ZC3H7B: variants seen among roughly 807,000 people sequenced by gnomAD.
ZC3H7B encodes the protein zinc finger CCCH domain-containing protein 7B.
Under a neutral mutation model 116.0 loss-of-function variants are expected in ZC3H7B, and 35 were observed. The ratio of observed to expected loss-of-function variants is 0.30; its 90% CI spans 0.23 to 0.40. The LOEUF (loss-of-function observed/expected upper bound fraction) is 0.40, where lower values mean the gene tolerates loss of function less well. Ranked by LOEUF, ZC3H7B falls within the 10% of genes least tolerant of loss-of-function variation. The pLI is 1.00. For synonymous variants in ZC3H7B, 502 were observed against 545.6 expected, an observed-to-expected ratio of 0.92 and a Z score of 1.11; for missense variants, 1,011 against 1,321.5, an observed-to-expected ratio of 0.77 and a Z score of 3.64.
chr22:41,312,010 C>T (rs2036124426), intron 1 of ZC3H7B, among the ~76,000 whole-genome samples: 1 of 151,870 alleles, frequency 6.6e-6, no homozygotes, highest in South Asian at 2.1e-4. Context: ...ATTAAGGTTG[C>T]TTCTAGTTTT....
At chr22:41,355,351 G>A in intron 17 of ZC3H7B, 118 bp from the exon 18 acceptor site, 8 of 1,407,340 alleles carry the variant, frequency 5.7e-6, no homozygotes, top group Non-Finnish European at 7.7e-6. Context: ...CTGCCAGGAA[G>A]ACCTGGGAGC....
Position 41,349,368 on chromosome 22 carries a change from G to A in ZC3H7B, c.1948+67G>A. 1.9e-6 allele frequency: 3 copies of A among 1,582,026 alleles called. No homozygotes were observed. The highest frequency in any genetic ancestry group is 2.6e-6 in the Non-Finnish European group (3 of 1,163,862). On this transcript the variant is annotated intron_variant, in intron 16 of 22. Coordinates refer to ENST00000352645, the MANE Select transcript of ZC3H7B (RefSeq NM_017590.6). This position sits in a 1 kb window ranked among gnomAD's most constrained non-coding sequence, Gnocchi z 4.9. The stretch of plus-strand genomic sequence containing the variant: ...TGAGGGGTAGGCGGCGCAGGTGAAG[G>A]GAGCGCAGGACTGACTGGGGTGACA...
chr22:41,339,424 G>A (rs747921348), intron 9 of ZC3H7B, among the ~76,000 whole-genome samples: 18 of 152,074 alleles, frequency 1.2e-4, no homozygotes, highest in Non-Finnish European at 1.9e-4. Flanking sequence ...TCAGGAATTC[G>A]AGACCAGCCT....
At chr22:41,322,931 G>C (rs544852478) in intron 2 of ZC3H7B, among the ~76,000 whole-genome samples, 3 of 152,116 alleles carry the variant, frequency 2.0e-5, no homozygotes, top group Admixed American at 1.3e-4. Context: ...TGTGCCCAGC[G>C]TACTCCCTTG....
chr22:41,339,850 T>G lies in ZC3H7B; in HGVS notation c.851T>G (p.Val284Gly). ...CAGGGTGGCCTGTCTGGCAGCGGCG[T>G]GCCTAGTGAGTTGCCCCAGCTGATA... ...LVQGGLSGSG[V>G]PSELPQLIPV... is the part of the protein sequence containing the mutation. Residue 284 changes from valine (V) to glycine (G), a missense_variant, in exon 10 of 23, where the codon GTG (valine) becomes GGG (glycine). Physicochemically the swap from Val to Gly is moderately radical, Grantham distance 109. This residue lies in a region of ZC3H7B where 322 missense variants were observed against 443.9 expected (regional missense o/e 0.73). Coordinates refer to ENST00000352645, the MANE Select transcript of ZC3H7B (RefSeq NM_017590.6). 3 of 1,610,822 alleles carry G rather than the reference T, an allele frequency of 1.9e-6. No individual in the cohort carries two copies. The highest frequency in any genetic ancestry group is 2.5e-6 in the Non-Finnish European group (3 of 1,177,966).
At position 41,357,765 on chromosome 22, in the gene ZC3H7B, C is replaced by G. The variant is rs2036741962; in HGVS notation, c.*336C>G. The G allele has an allele frequency of 5.7e-6, 2 of 353,286 alleles. No homozygotes were observed. The highest frequency in any genetic ancestry group is 7.9e-5 in the Admixed American group (2 of 25,304). 21.9% of individuals were successfully genotyped at this position (353,286 alleles called of 1,614,324 possible). On this transcript the variant is annotated 3_prime_UTR_variant, in exon 23 of 23. Coordinates refer to ENST00000352645, the MANE Select transcript of ZC3H7B (RefSeq NM_017590.6). The surrounding 1 kb of genome is among the most constrained non-coding windows in gnomAD (Gnocchi z 5.4). ...CTGCTCCTAATGGGGGCCCAAAGCT[C>G]AGGGCTGGGGAGCCTGGGGTCCCCA...
intron 7 of ZC3H7B, chr22:41,336,035 C>G (rs1485448130): frequency 6.5e-6 from 1 of 152,762 alleles, no homozygotes; most frequent in Non-Finnish European, 1.5e-5. Flanking sequence ...CCATCCGGCT[C>G]TCCGTGGGGA....
At chr22:41,315,210 C>T (rs748462456) in intron 1 of ZC3H7B, among the ~76,000 whole-genome samples, 2 of 151,766 alleles carry the variant, frequency 1.3e-5, no homozygotes, top group South Asian at 2.1e-4. Context: ...TCCACACGCA[C>T]GTGCTAGAGT....
rs1397710965 is a variant in ZC3H7B at position 41,343,638 on chromosome 22, C to T, written c.1459+62C>T. Reference sequence around the variant, plus strand: ...GGCCCAGCCCCTCCACCCCCAGCCGCTGCTCTACTCCCCATCACAGGTAGA... The same window carrying T: ...GGCCCAGCCCCTCCACCCCCAGCCGTTGCTCTACTCCCCATCACAGGTAGA... On this transcript the variant is annotated intron_variant, in intron 13 of 22. Coordinates refer to ENST00000352645, the MANE Select transcript of ZC3H7B (RefSeq NM_017590.6). 7 of 1,490,250 alleles carry T rather than the reference C, an allele frequency of 4.7e-6. No homozygotes were observed. The Admixed American group carries it at 9.1e-5, about 19-fold the overall frequency. 92.3% of individuals were successfully genotyped at this position (1,490,250 alleles called of 1,614,324 possible). A position where few individuals can be genotyped will look rare whatever the true frequency, so the allele number is the denominator to read the frequency against.
chr22:41,343,861 C>T, intron 13 of ZC3H7B, among the ~76,000 whole-genome samples: 1 of 152,306 alleles, frequency 6.6e-6, no homozygotes. Context: ...TGTCAGGAGC[C>T]TACATGACTC....
intron 1 of ZC3H7B, among the ~76,000 whole-genome samples, chr22:41,309,348 C>T (rs2036089480): frequency 6.7e-6 from 1 of 150,138 alleles, no homozygotes; most frequent in Admixed American, 6.7e-5. Flanking sequence ...GAGTCTCGCT[C>T]TGTCGTCCAG....
chr22:41,340,039 A>AC lies in ZC3H7B; in HGVS notation c.1045dup (p.Leu349ProfsTer28). On this transcript the variant is annotated frameshift_variant, in exon 10 of 23. Coordinates refer to ENST00000352645, the MANE Select transcript of ZC3H7B (RefSeq NM_017590.6). LOFTEE classifies it high-confidence loss of function. ...CTCGATCCCCCGGGCCCCACGCTGG[A>AC]CCCCCTGGACCTGCTGCCGTACTCG... 1 of 1,610,608 alleles carries AC rather than the reference A, an allele frequency of 6.2e-7. No homozygotes were observed. Among genetic ancestry groups the AC allele is most frequent in the Non-Finnish European group, 8.5e-7 (1 of 1,179,850 alleles).
At chr22:41,306,373 CTTTT>C (rs150362292) in intron 1 of ZC3H7B, among the ~76,000 whole-genome samples, 3 of 136,150 alleles carry the variant, frequency 2.2e-5, no homozygotes, top group African/African-American at 5.3e-5. Flanking sequence ...TTATTTAATT[CTTTT>C]TTTTTTTTTT....
rs117346109 is a variant in ZC3H7B, at chr22:41,339,400, C to T, written c.816+209C>T. ...CCAATACTTTGGGAGGCCAAGGCAG[C>T]GGATTACTTGAGGTCAGGAATTCGA... On this transcript the variant is annotated intron_variant, in intron 9 of 22. Transcript: ENST00000352645. 4.0e-3 allele frequency among the ~76,000 whole-genome samples: 614 copies of T among 152,142 alleles called. 2 individuals are homozygous for T. Among genetic ancestry groups the T allele is most frequent in the Non-Finnish European group, 6.4e-3 (432 of 67,988 alleles).
At chr22:41,356,230 C>T (rs1433247982) in intron 20 of ZC3H7B, 113 bp from the exon 21 acceptor site, 14 of 1,536,936 alleles carry the variant, frequency 9.1e-6, no homozygotes, top group African/African-American at 4.1e-5. Flanking sequence ...TGAGGCTGAG[C>T]GGCCTATCAG....
At chr22:41,339,763 G>A in intron 9 of ZC3H7B, 53 bp from the exon 10 acceptor site, 2 of 1,522,832 alleles carry the variant, frequency 1.3e-6, no homozygotes, top group Non-Finnish European at 1.8e-6. Context: ...ATGCTGCCCA[G>A]GCCTGGGCAG....
chr22:41,339,793 CTCCCTCTGTCCCT>C lies in ZC3H7B; in HGVS notation c.817-22_817-10del. 1 of 1,562,428 alleles carries C rather than the reference CTCCCTCTGTCCCT, an allele frequency of 6.4e-7. No homozygotes were observed. The highest frequency in any genetic ancestry group is 8.7e-7 in the Non-Finnish European group (1 of 1,149,780). ...GGGCAGTCCTGTTTTCCTCTGACCC[CTCCCTCTGTCCCT>C]GCCTCATAGTCTCTGGTCCAGGGTG... On this transcript the variant is annotated splice_polypyrimidine_tract_variant and intron_variant, in intron 9 of 22. Coordinates refer to ENST00000352645, the MANE Select transcript of ZC3H7B (RefSeq NM_017590.6).
chr22:41,309,137 G>A (rs1219777139), intron 1 of ZC3H7B, among the ~76,000 whole-genome samples: 14 of 149,806 alleles, frequency 9.3e-5, no homozygotes, highest in East Asian at 6.0e-4. Flanking sequence ...TCAGCCTCCC[G>A]TGTAGCTGGG....
chr22:41,320,809 A>C, intron 2 of ZC3H7B, 96 bp downstream of exon 2: 4 of 1,547,966 alleles, frequency 2.6e-6, no homozygotes, highest in Non-Finnish European at 3.6e-6. Context: ...CTTGCTGCTG[A>C]GCCTTTGCTG....
Sources: gnomAD v4.1 joint callset for allele counts (sites outside exome capture counted in the v4.1 genomes callset) on GRCh38, gnomAD v4.1.1 for gene constraint, gnomAD v4.1.1 regional missense constraint, Gnocchi (gnomAD v3.1) non-coding constraint, MANE v1.5 for transcripts, NCBI Gene and HGNC (gene_info 2026-07-23, HGNC 2026-07-21) for gene names.